The following LYZL6 variants were observed in gnomAD, a reference collection of about 807,000 sequenced individuals.
LYZL6 encodes the protein lysozyme like 6.
Under a neutral mutation model 15.0 loss-of-function variants are expected in LYZL6, and 21 were observed. The ratio of observed to expected loss-of-function variants is 1.40; its 90% CI spans 1.00 to 2.02. LYZL6 has a LOEUF of 2.02. Among genes scored for constraint, LYZL6 ranks in the 30% most tolerant of loss-of-function variants. The probability of loss-of-function intolerance (pLI) is 0.00; values close to 1 mark genes in which losing one functional copy is unlikely to be tolerated. For missense variants in LYZL6, 173 were observed against 180.5 expected (o/e 0.96, Z 0.24); for synonymous variants, 72 against 67.8 (o/e 1.06, Z -0.31).
chr17:35,934,523 A>G lies in LYZL6; in HGVS notation c.*273T>C, dbSNP rs2089352153. The G allele has an allele frequency of 4.4e-6, 2 of 449,728 alleles. No individual in the cohort carries two copies. The highest frequency in any genetic ancestry group is 8.0e-6 in the Non-Finnish European group (2 of 250,604). 27.9% of individuals were successfully genotyped at this position (449,728 alleles called of 1,614,324 possible). On this transcript the variant is annotated 3_prime_UTR_variant, in exon 5 of 5. Transcript: ENST00000615905. Reference sequence around the variant, plus strand: ...ATGAATAAATGGACACAGTCTTTGCAGAGCGAGTGCTTTAATATTTCGATA... The same window carrying G: ...ATGAATAAATGGACACAGTCTTTGCGGAGCGAGTGCTTTAATATTTCGATA...
chr17:35,935,876 C>T (rs377447544), intron 4 of LYZL6, among the ~76,000 whole-genome samples: 29 of 150,952 alleles, frequency 1.9e-4, no homozygotes, highest in Admixed American at 1.2e-3. Context: ...TGCAGTGGCG[C>T]GATCTCGGCT....
In LYZL6 at chr17:35,937,120, C is replaced by T. The variant is rs2280785; in HGVS notation, c.299-287G>A. 0.18 allele frequency among the ~76,000 whole-genome samples: 27,325 copies of T among 152,148 alleles called. 2,588 individuals carry two copies. The highest frequency in any genetic ancestry group is 0.3 in the South Asian group (1,427 of 4,824). ...TCACTCAAAGTTTGTGGGAGGTTTC[C>T]AGGGAGAGGAAATGCCAAAACACCA... On this transcript the variant is annotated intron_variant, in intron 3 of 4. Coordinates refer to ENST00000615905, the MANE Select transcript of LYZL6 (RefSeq NM_020426.4).
At chr17:35,941,139 C>T (rs2089421905) in intron 1 of LYZL6, among the ~76,000 whole-genome samples, 1 of 152,216 alleles carries the variant, frequency 6.6e-6, no homozygotes, top group Admixed American at 6.5e-5. Context: ...TCCAATTTCT[C>T]TACATCCTCA....
rs1046965880 is a variant in LYZL6 at position 35,937,760 on chromosome 17, T to C, written c.296A>G (p.Gln99Arg). 1.2e-5 allele frequency: 20 copies of C among 1,613,936 alleles called. No individual in the cohort carries two copies. Among genetic ancestry groups the C allele is most frequent in the Non-Finnish European group, 1.7e-5 (20 of 1,179,960 alleles). Residue 99 changes from glutamine (Q) to arginine (R), a missense_variant and splice_region_variant, in exon 3 of 5, where the codon CAA becomes CGA. Coordinates refer to ENST00000615905, the MANE Select transcript of LYZL6 (RefSeq NM_020426.4). The stretch of plus-strand genomic sequence containing the variant: ...CCACCCTGGGGCCCTGGCCAGACCT[T>C]GACAGTCTACGTGGCAAAGGTTTTC... ...YSENLCHVDC[Q>R]DLLNPNLLAG...
intron 3 of LYZL6, 111 bp from the exon 4 acceptor site, chr17:35,936,944 A>G: frequency 1.1e-6 from 1 of 893,494 alleles, no homozygotes; most frequent in Non-Finnish European, 1.8e-6. Context: ...CTTCCAGTTG[A>G]GGCAAAGGCT....
At chr17:35,937,160 G>C (rs1357096634) in intron 3 of LYZL6, among the ~76,000 whole-genome samples, 1 of 152,206 alleles carries the variant, frequency 6.6e-6, no homozygotes, top group South Asian at 2.1e-4. Context: ...GGTATGTCCC[G>C]CCTAGTGAGC....
At chr17:35,934,984 T>C (rs2089358633) in intron 4 of LYZL6, 119 bp from the exon 5 acceptor site, 1 of 780,710 alleles carries the variant, frequency 1.3e-6, no homozygotes, top group Non-Finnish European at 2.0e-6. Context: ...CATTGCTAGC[T>C]AGCCCTCTGG....
intron 3 of LYZL6, among the ~76,000 whole-genome samples, chr17:35,937,207 A>C (rs2089382270): frequency 6.6e-6 from 1 of 152,216 alleles, no homozygotes; most frequent in Non-Finnish European, 1.5e-5. Flanking sequence ...GACATCGGTC[A>C]GTGTGCGAAG....
chr17:35,937,867 A>G lies in LYZL6; in HGVS notation c.189T>C (p.Asn63=). The G allele has an allele frequency of 1.2e-6, 2 of 1,614,048 alleles. No individual in the cohort carries two copies. Among genetic ancestry groups the G allele is most frequent in the Non-Finnish European group, 1.7e-6 (2 of 1,180,014 alleles). ...AGTCAAAGCTTCCGTCTGCATTTTC[A>G]TTTATCTTTGATATGTTGAACTTGC... The part of the protein sequence containing the change: ...VESKFNISKI[N]ENADGSFDYG... Residue 63 remains asparagine, a synonymous_variant, in exon 3 of 5, where the codon AAT becomes AAC. Coordinates refer to ENST00000615905, the MANE Select transcript of LYZL6 (RefSeq NM_020426.4).
In LYZL6 at chr17:35,939,203, G is replaced by A. The variant is rs565601026; in HGVS notation, c.139+15C>T. The A allele has an allele frequency of 6.2e-7, 1 of 1,610,648 alleles. No homozygotes were observed. The highest frequency in any genetic ancestry group is 1.7e-5 in the Admixed American group (1 of 59,906). On this transcript the variant is annotated intron_variant, in intron 2 of 4. Coordinates refer to ENST00000615905, the MANE Select transcript of LYZL6 (RefSeq NM_020426.4). ...GCAGAGGAGAAATGGCTGGGGAGGG[G>A]CGGATGGTACTCACAGTCACTCAGG...
chr17:35,936,891 G>A, intron 3 of LYZL6, 58 bp from the exon 4 acceptor site: 1 of 1,466,540 alleles, frequency 6.8e-7, no homozygotes, highest in Non-Finnish European at 9.5e-7. Context: ...AAAGATGGAG[G>A]CAGACACCAG....
intron 1 of LYZL6, among the ~76,000 whole-genome samples, chr17:35,942,060 T>C (rs1054703924): frequency 2.0e-5 from 3 of 152,172 alleles, no homozygotes; most frequent in African/African-American, 7.2e-5. Flanking sequence ...CAATATTCCG[T>C]CCAGGGATGC....
intron 4 of LYZL6, 114 bp from the exon 5 acceptor site, chr17:35,934,979 C>G: frequency 1.6e-6 from 1 of 613,624 alleles, no homozygotes; most frequent in East Asian, 4.1e-5. Context: ...CCCGTCATTG[C>G]TAGCTAGCCC....
intron 4 of LYZL6, among the ~76,000 whole-genome samples, chr17:35,936,218 A>C (rs1304639397): frequency 2.0e-5 from 3 of 152,194 alleles, no homozygotes; most frequent in Admixed American, 1.3e-4. Context: ...TGATTGGACC[A>C]AGGGGGCACA....
intron 2 of LYZL6, among the ~76,000 whole-genome samples, chr17:35,938,936 C>T (rs1267903073): frequency 2.0e-5 from 3 of 152,170 alleles, no homozygotes; most frequent in Admixed American, 6.5e-5. Context: ...CCAGGCAGTA[C>T]GTTATGAGTG....
At chr17:35,941,681 A>G (rs1414743468) in intron 1 of LYZL6, among the ~76,000 whole-genome samples, 1 of 152,208 alleles carries the variant, frequency 6.6e-6, no homozygotes, top group African/African-American at 2.4e-5. Flanking sequence ...ACAAAAAGAT[A>G]CATTGTGTGG....
At chr17:35,941,187 A>G (rs1481064996) in intron 1 of LYZL6, among the ~76,000 whole-genome samples, 3 of 152,210 alleles carry the variant, frequency 2.0e-5, no homozygotes, top group African/African-American at 7.2e-5. Flanking sequence ...GACAAAAGGT[A>G]TCCTAGTGGG....
rs1269388979 is a variant in LYZL6, at chr17:35,937,926, G to A, written c.140-10C>T. 6.2e-7 allele frequency: 1 copy of A among 1,611,820 alleles called. No homozygotes were observed. ...AAAGCCAGGCACAGCCCTTAGAGTA[G>A]GGAGAAGAAGGTCAGGATTTAGAGG... On this transcript the variant is annotated splice_polypyrimidine_tract_variant and intron_variant, in intron 2 of 4. Coordinates refer to ENST00000615905, the MANE Select transcript of LYZL6 (RefSeq NM_020426.4).
intron 4 of LYZL6, 60 bp from the exon 5 acceptor site, chr17:35,934,925 C>A (rs2089357762): frequency 6.5e-7 from 1 of 1,545,126 alleles, no homozygotes; most frequent in Non-Finnish European, 8.9e-7. Context: ...ACACACATGA[C>A]CCAGTTCTTG....
Sources: allele counts gnomAD v4.1 joint callset (sites outside exome capture counted in the v4.1 genomes callset), GRCh38; gene constraint gnomAD v4.1.1; transcripts MANE v1.5; gene names NCBI Gene and HGNC (gene_info 2026-07-23, HGNC 2026-07-21).